BPIFB1: variants seen among roughly 807,000 people sequenced by gnomAD.
BPIFB1 encodes BPI fold-containing family B member 1.
A neutral mutation model predicts 55.1 loss-of-function variants in BPIFB1; 34 were observed. That is an observed-to-expected ratio of 0.62 (90% confidence interval 0.47 to 0.82). The LOEUF is 0.82. Among genes scored for constraint, BPIFB1 ranks in the 40% least tolerant of loss-of-function variants. The pLI is 0.00. For synonymous variants in BPIFB1, 236 were observed against 245.3 expected, an observed-to-expected ratio of 0.96 and a Z score of 0.35; for missense variants, 532 against 593.1, an observed-to-expected ratio of 0.90 and a Z score of 1.07.
chr20:33,294,898 G>A (rs372848761), intron 6 of BPIFB1, among the ~76,000 whole-genome samples: 4 of 152,290 alleles, frequency 2.6e-5, no homozygotes, highest in African/African-American at 4.8e-5. Flanking sequence ...TTTAAGAGGT[G>A]AGCGTCTGGT....
chr20:33,299,990 T>C lies in BPIFB1; in HGVS notation c.747+6T>C. The C allele has an allele frequency of 6.2e-7, 1 of 1,612,476 alleles. No homozygotes were observed. Among genetic ancestry groups the C allele is most frequent in the Non-Finnish European group, 8.5e-7 (1 of 1,178,512 alleles). ...CCATTCAGCTCTACCTGGGGGTGAG[T>C]GTCCCAGGACCTTGAGGGTGAAGTG... On this transcript the variant is annotated splice_donor_region_variant and intron_variant, in intron 8 of 15. Coordinates refer to ENST00000253354, the MANE Select transcript of BPIFB1 (RefSeq NM_033197.3).
chr20:33,300,378 C>T (rs562786426), intron 8 of BPIFB1, among the ~76,000 whole-genome samples: 1 of 152,350 alleles, frequency 6.6e-6, no homozygotes, highest in South Asian at 2.1e-4. Flanking sequence ...AGTTCCTTTA[C>T]CTCCCTGAGC....
At chr20:33,283,297 G>A (rs1427380313) in intron 1 of BPIFB1, 43 bp downstream of exon 1, 1 of 152,692 alleles carries the variant, frequency 6.5e-6, no homozygotes, top group Admixed American at 6.5e-5. Flanking sequence ...TGCCAGGAAG[G>A]TTCTGAGCTA....
At chr20:33,300,127 A>G in intron 8 of BPIFB1, 143 bp downstream of exon 8, 1 of 717,866 alleles carries the variant, frequency 1.4e-6, no homozygotes, top group Non-Finnish European at 2.4e-6. Flanking sequence ...AAATCACTGC[A>G]GGCTGAATAT....
At chr20:33,295,229 T>A (rs1169841444) in intron 6 of BPIFB1, among the ~76,000 whole-genome samples, 2 of 147,012 alleles carry the variant, frequency 1.4e-5, no homozygotes, top group Non-Finnish European at 3.0e-5. Flanking sequence ...AAAAAAAAAT[T>A]AAAAATAAAT....
chr20:33,301,400 G>A lies in BPIFB1; in HGVS notation c.915G>A (p.Leu305=). Residue 305 remains leucine, a synonymous_variant, in exon 9 of 16, where the codon CTG becomes CTA. Coordinates refer to ENST00000253354, the MANE Select transcript of BPIFB1 (RefSeq NM_033197.3). ...AVLSPEEFMV[L]LDSVLPESAH... is the part of the protein sequence containing the mutation. The stretch of plus-strand genomic sequence containing the variant: ...TCTCTCCAGAAGAATTCATGGTCCT[G>A]TTGGACTCTGTGGTAAACCTCAGCA... 6.2e-7 allele frequency: 1 copy of A among 1,613,576 alleles called. No individual in the cohort carries two copies. The highest frequency in any genetic ancestry group is 2.2e-5 in the East Asian group (1 of 44,886).
At chr20:33,305,033 C>A in intron 13 of BPIFB1, 142 bp downstream of exon 13, 1 of 870,378 alleles carries the variant, frequency 1.1e-6, no homozygotes, top group Non-Finnish European at 1.9e-6. Context: ...CACCAAAGTC[C>A]AACTTCCCTC....
chr20:33,295,946 G>T (rs984596094), intron 6 of BPIFB1, among the ~76,000 whole-genome samples: 1 of 131,606 alleles, frequency 7.6e-6, no homozygotes, highest in Non-Finnish European at 1.6e-5. Context: ...GACGGAAAAA[G>T]AGAGAGAGGG....
At chr20:33,288,929 T>G (rs774085484) in intron 3 of BPIFB1, 47 bp downstream of exon 3, 18 of 1,579,168 alleles carry the variant, frequency 1.1e-5, no homozygotes, top group Non-Finnish European at 1.5e-5. Flanking sequence ...TCCCACACCT[T>G]TGCCCGGGAC....
rs77281837 is a variant in BPIFB1, at chr20:33,291,910, C to G, written c.519C>G (p.Leu173=). ...CTCGTGCTCTCTTCCCTGAAAGGCTCTCCTTCCTGGTGAACGCCTTAGCTA... is the reference window on the plus strand; with the variant it reads ...CTCGTGCTCTCTTCCCTGAAAGGCTGTCCTTCCTGGTGAACGCCTTAGCTA... ...GSLRIQLLHK[L]SFLVNALAKQ... Residue 173 remains leucine (L), a synonymous_variant, in exon 6 of 16, where the codon CTC becomes CTG. Transcript: ENST00000253354. The G allele has an allele frequency of 3.2e-5, 52 of 1,614,150 alleles. No homozygotes were observed. The African/African-American group carries it at 6.1e-4, about 19-fold the overall frequency.
intron 11 of BPIFB1, among the ~76,000 whole-genome samples, chr20:33,303,569 T>C (rs1715510679): frequency 1.3e-5 from 2 of 152,158 alleles, no homozygotes; most frequent in Non-Finnish European, 2.9e-5. Context: ...CAGGGCTGAC[T>C]CTCACTGAAT....
rs1258775923 is a variant in BPIFB1 at position 33,289,999 on chromosome 20, G to A, written c.365+7G>A. 1 of 1,609,518 alleles carries A rather than the reference G, an allele frequency of 6.2e-7. No individual in the cohort carries two copies. The highest frequency in any genetic ancestry group is 8.5e-7 in the Non-Finnish European group (1 of 1,175,836). On this transcript the variant is annotated splice_region_variant and intron_variant, in intron 4 of 15. Transcript: ENST00000253354. ...TGGTGGCTGGATTCAACACGTGAGTGACCCCTCCATCAAGTACAGTAGGCT... is the reference window on the plus strand; with the variant it reads ...TGGTGGCTGGATTCAACACGTGAGTAACCCCTCCATCAAGTACAGTAGGCT...
In BPIFB1 at chr20:33,303,139, C is replaced by T. The variant is rs1231290845; in HGVS notation, c.1140+65C>T. The T allele has an allele frequency of 1.5e-5, 23 of 1,580,870 alleles. 1 individual carries two copies. The South Asian group carries it at 1.8e-4, about 12-fold the overall frequency. On this transcript the variant is annotated intron_variant, in intron 11 of 15. Transcript: ENST00000253354. ...GACCCTTCTGTCTACTTTTCCTGTT[C>T]GCCCTCTTGCTTTGTTAAACATTTC...
chr20:33,300,024 G>T (rs1980796092), intron 8 of BPIFB1, 40 bp downstream of exon 8: 2 of 1,561,650 alleles, frequency 1.3e-6, no homozygotes, highest in Admixed American at 1.7e-5. Context: ...TGGGGACATT[G>T]CTGCCCTTCT....
At chr20:33,289,780 C>G (rs987315974) in intron 3 of BPIFB1, 105 bp from the exon 4 acceptor site, 4 of 1,060,134 alleles carry the variant, frequency 3.8e-6, no homozygotes, top group African/African-American at 3.1e-5. Flanking sequence ...GCCAGGGTCC[C>G]GCTGCTGCCT....
intron 6 of BPIFB1, among the ~76,000 whole-genome samples, chr20:33,296,118 T>G (rs1980645857): frequency 6.6e-6 from 1 of 152,166 alleles, no homozygotes; most frequent in African/African-American, 2.4e-5. Flanking sequence ...CTACCCCAGA[T>G]TCAGAAGTAA....
chr20:33,292,120 G>C (rs1032241594), intron 6 of BPIFB1, 132 bp downstream of exon 6: 22 of 833,512 alleles, frequency 2.6e-5, no homozygotes, highest in Non-Finnish European at 3.9e-5. Context: ...TCTGGGGCTG[G>C]ATAGCAAAGA....
rs1981163460 is a variant in BPIFB1 at position 33,309,612 on chromosome 20, G to A, written c.1396-96G>A. ...GTGGGTTCAGGGTCATGGTCCCCCG[G>A]TGCCAGCAGTCACCTTATGGAGGAC... On this transcript the variant is annotated intron_variant, in intron 15 of 15. Transcript: ENST00000253354. This position sits in a 1 kb window ranked among gnomAD's most constrained non-coding sequence, Gnocchi z 4.4. 2.5e-6 allele frequency: 3 copies of A among 1,181,058 alleles called. No individual in the cohort carries two copies. Among genetic ancestry groups the A allele is most frequent in the Middle Eastern group, 1.9e-4 (1 of 5,194 alleles). The allele number at this position is 1,181,058 out of a possible 1,614,324, so 73.2% of individuals were successfully genotyped here.
intron 7 of BPIFB1, chr20:33,299,226 C>G (rs753428406): frequency 2.2e-6 from 1 of 453,818 alleles, no homozygotes; most frequent in South Asian, 1.6e-5. Flanking sequence ...CTCCCTGGAG[C>G]GGTAGGCGGC....
Sources: allele counts gnomAD v4.1 joint callset (sites outside exome capture counted in the v4.1 genomes callset), GRCh38; gene constraint gnomAD v4.1.1; non-coding constraint Gnocchi (gnomAD v3.1); transcripts MANE v1.5; gene names NCBI Gene and HGNC (gene_info 2026-07-23, HGNC 2026-07-21).